TPH2: variants seen among roughly 807,000 people sequenced by gnomAD.
TPH2 encodes tryptophan hydroxylase 2, also known as tryptophan 5-hydroxylase 2.
In TPH2, 27 loss-of-function variants were observed where a neutral mutation model predicts 59.1. The observed-to-expected ratio is 0.46, with a 90% CI of 0.34 to 0.63. TPH2 has a LOEUF of 0.63. Among genes scored for constraint, TPH2 ranks in the 30% least tolerant of loss-of-function variants. TPH2 has a pLI of 0.01. For missense variants in TPH2, 523 were observed against 588.3 expected (o/e 0.89, Z 1.15); for synonymous variants, 220 against 210.5 (o/e 1.05, Z -0.39).
At chr12:71,949,166 A>C (rs1871279066) in intron 4 of TPH2, among the ~76,000 whole-genome samples, 1 of 152,240 alleles carries the variant, frequency 6.6e-6, no homozygotes, top group Non-Finnish European at 1.5e-5. Context: ...TGTCACATTT[A>C]TTAGTTATTT....
intron 5 of TPH2, among the ~76,000 whole-genome samples, chr12:71,968,099 G>T (rs1871867621): frequency 6.6e-6 from 1 of 152,132 alleles, no homozygotes; most frequent in Non-Finnish European, 1.5e-5. Flanking sequence ...TGTCAGTGGT[G>T]AGTAGGTCTC....
Position 71,944,567 on chromosome 12 carries a change from C to G in TPH2, c.440-19C>G. 6.2e-7 allele frequency: 1 copy of G among 1,613,662 alleles called. No individual in the cohort carries two copies. ...CAATCTGTGAACTAATATTTTTGAACCTGCACTGTTTTCAACAGAGCTAGA... is the reference window on the plus strand; with the variant it reads ...CAATCTGTGAACTAATATTTTTGAAGCTGCACTGTTTTCAACAGAGCTAGA... On this transcript the variant is annotated intron_variant, in intron 3 of 10. Transcript: ENST00000333850.
chr12:71,948,924 A>G (rs2139183421), intron 4 of TPH2, among the ~76,000 whole-genome samples: 1 of 152,328 alleles, frequency 6.6e-6, no homozygotes, highest in African/African-American at 2.4e-5. Flanking sequence ...GACAGACATA[A>G]TGTTTAATTT....
chr12:71,981,860 G>A (rs1014885640), intron 7 of TPH2, among the ~76,000 whole-genome samples: 1 of 151,860 alleles, frequency 6.6e-6, no homozygotes. Context: ...TGAATGTAAA[G>A]CACCCACAAT....
At chr12:72,029,961 G>C (rs1470720021) in intron 9 of TPH2, among the ~76,000 whole-genome samples, 1 of 152,160 alleles carries the variant, frequency 6.6e-6, no homozygotes, top group Non-Finnish European at 1.5e-5. Flanking sequence ...TTAGCTGTTA[G>C]AGACTGAGAA....
At chr12:71,985,662 G>A (rs148981213) in intron 7 of TPH2, among the ~76,000 whole-genome samples, 141 of 152,290 alleles carry the variant, frequency 9.3e-4, no homozygotes, top group South Asian at 2.3e-3. Flanking sequence ...CTCCCAAAGT[G>A]CTGGGATTAC....
chr12:71,948,729 A>T (rs1038922775), intron 4 of TPH2, among the ~76,000 whole-genome samples: 4 of 152,200 alleles, frequency 2.6e-5, no homozygotes, highest in Non-Finnish European at 5.9e-5. Context: ...GCAGGGCTGT[A>T]GTGGTAGGAG....
chr12:71,982,217 C>G (rs1872306115), intron 7 of TPH2, among the ~76,000 whole-genome samples: 1 of 151,622 alleles, frequency 6.6e-6, no homozygotes, highest in Non-Finnish European at 1.5e-5. Context: ...ATTGGCCAGG[C>G]TGGTCTTGAA....
chr12:71,943,444 C>T (rs947043899), intron 2 of TPH2, among the ~76,000 whole-genome samples: 3 of 152,088 alleles, frequency 2.0e-5, no homozygotes, highest in Admixed American at 2.0e-4. Context: ...ATGAAGAACA[C>T]ATCACTGGGG....
chr12:72,004,383 A>G (rs1004900182), intron 8 of TPH2, among the ~76,000 whole-genome samples: 3 of 150,448 alleles, frequency 2.0e-5, no homozygotes, highest in African/African-American at 7.3e-5. Context: ...TGTCATACCC[A>G]GGTCTGGAAA....
chr12:71,992,731 T>G, intron 7 of TPH2, among the ~76,000 whole-genome samples: 1 of 152,266 alleles, frequency 6.6e-6, no homozygotes, highest in South Asian at 2.1e-4. Context: ...TATTTATTAT[T>G]CCTTTATAAA....
At chr12:71,944,558 A>G in intron 3 of TPH2, 28 bp from the exon 4 acceptor site, 1 of 1,613,750 alleles carries the variant, frequency 6.2e-7, no homozygotes, top group Non-Finnish European at 8.5e-7. Flanking sequence ...GTGAACTAAT[A>G]TTTTTGAACC....
intron 7 of TPH2, among the ~76,000 whole-genome samples, chr12:71,987,987 T>C (rs1407256313): frequency 8.5e-5 from 13 of 152,218 alleles, no homozygotes; most frequent in Admixed American, 8.5e-4. Flanking sequence ...TAAATAAAAG[T>C]ACACATTTGG....
chr12:71,995,076 T>G (rs1872662364), intron 8 of TPH2, among the ~76,000 whole-genome samples: 2 of 152,206 alleles, frequency 1.3e-5, no homozygotes, highest in African/African-American at 4.8e-5. Context: ...TCTAGGTGGT[T>G]GTAGTCAGAC....
chr12:71,956,287 C>T (rs905206358), intron 5 of TPH2, among the ~76,000 whole-genome samples: 1 of 152,146 alleles, frequency 6.6e-6, no homozygotes, highest in African/African-American at 2.4e-5. Context: ...GATTCATAGA[C>T]CAACTGTGAC....
At chr12:72,013,570 A>T (rs1477698806) in intron 8 of TPH2, among the ~76,000 whole-genome samples, 1 of 152,184 alleles carries the variant, frequency 6.6e-6, no homozygotes, top group Non-Finnish European at 1.5e-5. Flanking sequence ...AATTTGACAC[A>T]AGCTTCATAT....
chr12:72,010,834 T>C (rs938770964), intron 8 of TPH2, among the ~76,000 whole-genome samples: 8 of 152,070 alleles, frequency 5.3e-5, no homozygotes, highest in Non-Finnish European at 1.2e-4. Flanking sequence ...CTGGGGAGAA[T>C]GTGTGATTTG....
In TPH2 at chr12:72,002,326, G is replaced by A. The variant is rs148182013; in HGVS notation, c.1068+7761G>A. On this transcript the variant is annotated intron_variant, in intron 8 of 10. Transcript: ENST00000333850. Reference sequence around the variant, plus strand: ...CACAGGTGTCACTGGATGAGGGAGGGGGAGAGAGACAGAGACAGAGAGAGA... The same window carrying A: ...CACAGGTGTCACTGGATGAGGGAGGAGGAGAGAGACAGAGACAGAGAGAGA... Among the ~76,000 whole-genome samples, 311 of 152,252 alleles carry A rather than the reference G, an allele frequency of 2.0e-3. 2 individuals carry two copies. Among genetic ancestry groups the A allele is most frequent in the African/African-American group, 6.5e-3 (272 of 41,534 alleles).
At position 71,994,522 on chromosome 12, in the gene TPH2, C is replaced by A. The variant is rs755764502; in HGVS notation, c.1025C>A (p.Ala342Glu). 6.2e-7 allele frequency: 1 copy of A among 1,613,900 alleles called. No homozygotes were observed. The highest frequency in any genetic ancestry group is 8.5e-7 in the Non-Finnish European group (1 of 1,179,838). ...CAGTTTTCACAAGAAATAGGTCTGGCGTCTCTGGGAGCATCAGATGAAGAT... is the reference window on the plus strand; with the variant it reads ...CAGTTTTCACAAGAAATAGGTCTGGAGTCTCTGGGAGCATCAGATGAAGAT... ...FAQFSQEIGL[A>E]SLGASDEDVQ... The change falls in exon 8 of 11, where the codon GCG (alanine) becomes GAG (glutamate). Residue 342 changes from alanine (A) to glutamate (E), a missense_variant. By Grantham distance (107) the Ala-to-Glu change is moderately radical. Transcript: ENST00000333850.
Sources: allele counts gnomAD v4.1 joint callset (sites outside exome capture counted in the v4.1 genomes callset), GRCh38; gene constraint gnomAD v4.1.1; transcripts MANE v1.5; gene names NCBI Gene and HGNC (gene_info 2026-07-23, HGNC 2026-07-21).